CSF1: variants seen among roughly 807,000 people sequenced by gnomAD.
CSF1 encodes the protein colony stimulating factor 1, also known as macrophage colony-stimulating factor 1.
A neutral mutation model predicts 48.9 loss-of-function variants in CSF1; 9 were observed. The observed-to-expected ratio is 0.18, with a 90% CI of 0.11 to 0.32. The LOEUF (loss-of-function observed/expected upper bound fraction) is 0.32. Among genes scored for constraint, CSF1 ranks in the 10% least tolerant of loss-of-function variants. The probability of loss-of-function intolerance (pLI) is 1.00; values close to 1 mark genes in which losing one functional copy is unlikely to be tolerated. For synonymous variants in CSF1, 305 were observed against 284.1 expected (o/e 1.07, Z -0.74); for missense variants, 672 against 697.9 (o/e 0.96, Z 0.42).
At chr1:109,914,144 G>T in intron 1 of CSF1, 115 bp from the exon 2 acceptor site, 3 of 1,160,222 alleles carry the variant, frequency 2.6e-6, no homozygotes, top group Non-Finnish European at 3.5e-6. Flanking sequence ...CTGAGGTAAG[G>T]GGCAGAGCCT....
At chr1:109,928,137 A>G (rs1647919170) in intron 8 of CSF1, among the ~76,000 whole-genome samples, 1 of 152,186 alleles carries the variant, frequency 6.6e-6, no homozygotes, top group East Asian at 1.9e-4. Flanking sequence ...TGCTCTGGGA[A>G]CAAAGCGTCC....
chr1:109,921,809 G>A (rs760678409), intron 4 of CSF1, 38 bp from the exon 5 acceptor site: 2 of 1,515,002 alleles, frequency 1.3e-6, no homozygotes, highest in Non-Finnish European at 1.8e-6. Flanking sequence ...TGGGGCCAAT[G>A]GTCATGCTCA....
At position 109,914,262 on chromosome 1, in the gene CSF1, T is replaced by C; in HGVS notation, c.43T>C (p.Trp15Arg). The C allele has an allele frequency of 1.2e-6, 2 of 1,603,682 alleles. No individual in the cohort carries two copies. Among genetic ancestry groups the C allele is most frequent in the Non-Finnish European group, 1.7e-6 (2 of 1,174,554 alleles). ...AATGACACCCTCTCTGTCACAGACA[T>C]GGCTGGGCTCCCTGCTGTTGTTGGT... Reference protein sequence around the residue: ...GAAGRCPPTTWLGSLLLLVCL... With the variant: ...GAAGRCPPTTRLGSLLLLVCL... Residue 15 changes from tryptophan (W) to arginine (R), a missense_variant, in exon 2 of 9, where the codon TGG becomes CGG. Physicochemically the swap from Trp to Arg is moderately radical, Grantham distance 101. Around this residue, in one of 3 missense-constraint regions of CSF1, gnomAD observed 53 missense variants for 45.5 expected, o/e 1.17. Coordinates refer to ENST00000329608, the MANE Select transcript of CSF1 (RefSeq NM_000757.6).
Position 109,925,153 on chromosome 1 carries a change from G to T in CSF1, c.1629G>T (p.Leu543=). 1 of 1,613,922 alleles carries T rather than the reference G, an allele frequency of 6.2e-7. No individual in the cohort carries two copies. Among genetic ancestry groups the T allele is most frequent in the South Asian group, 1.1e-5 (1 of 91,064 alleles). Residue 543 remains leucine, a synonymous_variant, in exon 8 of 9, where the codon CTG becomes CTT. Transcript: ENST00000329608. The stretch of plus-strand genomic sequence containing the variant: ...CCCTGTGCTCTGCCTGCAGCCCCCT[G>T]ACTCAGGATGACAGACAGGTGGAAC... ...SPLEQPEGSP[L]TQDDRQVELP...
Position 109,923,593 on chromosome 1 carries a change from C to T in CSF1, c.972C>T (p.Ser324=). The part of the protein sequence containing the change: ...EIPVPQGTEL[S]PSRPGGGSMQ... ...CCGTACCCCAAGGGACAGAGCTTTC[C>T]CCCTCCAGGCCAGGAGGGGGCAGCA... Residue 324 remains serine (S), a synonymous_variant, in exon 6 of 9, where the codon TCC becomes TCT. Coordinates refer to ENST00000329608, the MANE Select transcript of CSF1 (RefSeq NM_000757.6). The T allele has an allele frequency of 6.2e-7, 1 of 1,614,174 alleles. No individual in the cohort carries two copies.
chr1:109,914,899 G>T (rs754678857), intron 2 of CSF1, among the ~76,000 whole-genome samples: 1 of 152,228 alleles, frequency 6.6e-6, no homozygotes, highest in Non-Finnish European at 1.5e-5. Flanking sequence ...AGGCTGGGAT[G>T]GCCTGCTCAT....
Position 109,915,620 on chromosome 1 carries a change from G to A in CSF1, c.163-14G>A. Reference sequence around the variant, plus strand: ...TAGGTTACCCTGCAATCGTTGGCCTGCTCTCTCTTACAGATTGACAGTCAG... The same window carrying A: ...TAGGTTACCCTGCAATCGTTGGCCTACTCTCTCTTACAGATTGACAGTCAG... On this transcript the variant is annotated splice_polypyrimidine_tract_variant and intron_variant, in intron 2 of 8. Coordinates refer to ENST00000329608, the MANE Select transcript of CSF1 (RefSeq NM_000757.6). 1.2e-6 allele frequency: 2 copies of A among 1,612,138 alleles called. No individual in the cohort carries two copies. Among genetic ancestry groups the A allele is most frequent in the Non-Finnish European group, 1.7e-6 (2 of 1,178,214 alleles).
At chr1:109,925,566 C>T (rs1647809178) in intron 8 of CSF1, among the ~76,000 whole-genome samples, 1 of 152,190 alleles carries the variant, frequency 6.6e-6, no homozygotes, top group Non-Finnish European at 1.5e-5. Flanking sequence ...GTGGCAGCCA[C>T]TGCAAGCCCT....
At chr1:109,926,413 C>T (rs1449323295) in intron 8 of CSF1, 1 of 152,248 alleles carries the variant, frequency 6.6e-6, no homozygotes, top group Non-Finnish European at 1.5e-5. Flanking sequence ...GTTAAAGCCA[C>T]CTTGTTGGTT....
intron 1 of CSF1, among the ~76,000 whole-genome samples, chr1:109,912,833 C>G (rs893021738): frequency 1.3e-5 from 2 of 152,158 alleles, no homozygotes; most frequent in African/African-American, 2.4e-5. Context: ...GGCAACCTCC[C>G]CAACAGAGCC....
chr1:109,927,980 C>T (rs923542710), intron 8 of CSF1, among the ~76,000 whole-genome samples: 19 of 152,230 alleles, frequency 1.2e-4, no homozygotes, highest in Non-Finnish European at 7.3e-5. Flanking sequence ...GGTTCCCCTT[C>T]TTTCCCTCTA....
At chr1:109,912,531 G>A (rs573687349) in intron 1 of CSF1, among the ~76,000 whole-genome samples, 133 of 152,280 alleles carry the variant, frequency 8.7e-4, no homozygotes, top group African/African-American at 3.0e-3. Context: ...AGGTCCAGGG[G>A]TATCCCCTTT....
chr1:109,923,255 G>A lies in CSF1; in HGVS notation c.634G>A (p.Ala212Thr), dbSNP rs750913335. The change falls in exon 6 of 9, where the codon GCC becomes ACC. Residue 212 changes from alanine to threonine, a missense_variant. Ala to Thr is a moderately conservative substitution (Grantham distance 58). This residue lies in a region of CSF1 where 591 missense variants were observed against 593.6 expected (regional missense o/e 1.00). Transcript: ENST00000329608. ...CTCTGTCTCCCCTCATCAGCCCCTCGCCCCCTCCATGGCCCCTGTGGCTGG... is the reference window on the plus strand; with the variant it reads ...CTCTGTCTCCCCTCATCAGCCCCTCACCCCCTCCATGGCCCCTGTGGCTGG... The part of the protein sequence containing the change: ...PASVSPHQPL[A>T]PSMAPVAGLT... 22 of 1,605,542 alleles carry A rather than the reference G, an allele frequency of 1.4e-5. No individual in the cohort carries two copies. Among genetic ancestry groups the A allele is most frequent in the Admixed American group, 6.8e-5 (4 of 58,904 alleles).
intron 5 of CSF1, among the ~76,000 whole-genome samples, chr1:109,922,720 C>CCTGTGGCTGTGG (rs3835719): frequency 2.0e-5 from 3 of 151,646 alleles, no homozygotes; most frequent in Admixed American, 6.6e-5. Flanking sequence ...CCTGTTCCTG[C>CCTGTGGCTGTGG]CTGTGGCTGT....
At chr1:109,913,908 A>G (rs1654787104) in intron 1 of CSF1, among the ~76,000 whole-genome samples, 1 of 152,246 alleles carries the variant, frequency 6.6e-6, no homozygotes, top group Non-Finnish European at 1.5e-5. Flanking sequence ...ACAGAAAAAA[A>G]TGGGTAGATG....
chr1:109,927,515 C>T (rs1449691508), intron 8 of CSF1, among the ~76,000 whole-genome samples: 2 of 152,172 alleles, frequency 1.3e-5, no homozygotes, highest in South Asian at 2.1e-4. Context: ...CCAAACCCCT[C>T]GCCGTGGTCT....
At chr1:109,920,326 A>G (rs1470181206) in intron 4 of CSF1, among the ~76,000 whole-genome samples, 1 of 150,920 alleles carries the variant, frequency 6.6e-6, no homozygotes, top group Non-Finnish European at 1.5e-5. Flanking sequence ...GGAGTGCAGT[A>G]GTGCCATCTC....
chr1:109,923,747 A>G lies in CSF1; in HGVS notation c.1126A>G (p.Thr376Ala), dbSNP rs1350568128. 14 of 1,609,426 alleles carry G rather than the reference A, an allele frequency of 8.7e-6. No individual in the cohort carries two copies. Among genetic ancestry groups the G allele is most frequent in the Non-Finnish European group, 1.2e-5 (14 of 1,177,704 alleles). Residue 376 changes from threonine (T) to alanine (A), a missense_variant, in exon 6 of 9, where the codon ACT becomes GCT. Around this residue, in one of 3 missense-constraint regions of CSF1, gnomAD observed 591 missense variants for 593.6 expected, o/e 1.00. Coordinates refer to ENST00000329608, the MANE Select transcript of CSF1 (RefSeq NM_000757.6). ...GCCCAGGGTGGGCCCCGTGAGGCCCACTGGCCAGGACTGGAATCACACCCC... is the reference window on the plus strand; with the variant it reads ...GCCCAGGGTGGGCCCCGTGAGGCCCGCTGGCCAGGACTGGAATCACACCCC... ...ALPRVGPVRP[T>A]GQDWNHTPQK...
intron 4 of CSF1, 121 bp downstream of exon 4, chr1:109,917,584 C>T (rs1032367046): frequency 9.8e-7 from 1 of 1,020,420 alleles, no homozygotes; most frequent in Non-Finnish European, 1.5e-6. Context: ...CTTGCTCACT[C>T]TCATTTATTT....
Sources: gnomAD v4.1 joint callset for allele counts (sites outside exome capture counted in the v4.1 genomes callset) on GRCh38, gnomAD v4.1.1 for gene constraint, gnomAD v4.1.1 regional missense constraint, MANE v1.5 for transcripts, NCBI Gene and HGNC (gene_info 2026-07-23, HGNC 2026-07-21) for gene names.